The following DGKB variants were observed in gnomAD, a reference collection of about 807,000 sequenced individuals.
The protein encoded by DGKB is 90 kDa diacylglycerol kinase.
Under a neutral mutation model 114.3 loss-of-function variants are expected in DGKB, and 67 were observed. That is an observed-to-expected ratio of 0.59 (90% CI 0.48 to 0.72). The LOEUF is 0.72. DGKB is among the 30% of genes least tolerant of loss of function. DGKB has a pLI of 0.00. For synonymous variants in DGKB, 398 were observed against 323.1 expected, an observed-to-expected ratio of 1.23 and a Z score of -2.49; for missense variants, 907 against 975.2, an observed-to-expected ratio of 0.93 and a Z score of 0.93.
intron 2 of DGKB, among the ~76,000 whole-genome samples, chr7:14,832,867 C>T (rs1312123421): frequency 1.3e-5 from 2 of 152,102 alleles, no homozygotes; most frequent in African/African-American, 4.8e-5. Flanking sequence ...ATGTCTGGCT[C>T]TGATTTCTTT....
intron 23 of DGKB, among the ~76,000 whole-genome samples, chr7:14,277,452 C>T (rs930267349): frequency 5.3e-5 from 8 of 152,194 alleles, no homozygotes; most frequent in African/African-American, 1.4e-4. Flanking sequence ...GGATTACAGG[C>T]GTGAATCACT....
In DGKB at chr7:14,868,556, G is replaced by A. The variant is rs374711502; in HGVS notation, c.-187-27106C>T. On this transcript the variant is annotated intron_variant, in intron 1 of 25. Transcript: ENST00000402815. ...TCACCATGTTGGCTAGGCTGGTCTCGAACTCCTAACCTCGGACTTCACAGA... is the reference window on the plus strand; with the variant it reads ...TCACCATGTTGGCTAGGCTGGTCTCAAACTCCTAACCTCGGACTTCACAGA... Among the ~76,000 whole-genome samples the A allele has an allele frequency of 2.0e-3, 309 of 151,974 alleles. 2 individuals are homozygous for A. The highest frequency in any genetic ancestry group is 6.9e-3 in the African/African-American group (285 of 41,508).
At chr7:14,683,461 T>C (rs1390365739) in intron 10 of DGKB, among the ~76,000 whole-genome samples, 5 of 152,150 alleles carry the variant, frequency 3.3e-5, no homozygotes, top group Non-Finnish European at 5.9e-5. Context: ...ACTATGCAAA[T>C]GTATACCTAC....
At chr7:14,609,430 A>G (rs1245350495) in intron 16 of DGKB, among the ~76,000 whole-genome samples, 1 of 152,106 alleles carries the variant, frequency 6.6e-6, no homozygotes. Context: ...ATCCCAAGCT[A>G]TATTTCTAAA....
intron 13 of DGKB, among the ~76,000 whole-genome samples, chr7:14,655,952 T>A (rs973650500): frequency 6.6e-6 from 1 of 151,694 alleles, no homozygotes; most frequent in Non-Finnish European, 1.5e-5. Flanking sequence ...AAATAAGTTA[T>A]GTTCTATAGC....
chr7:14,206,138 G>C (rs1490429384), intron 23 of DGKB, among the ~76,000 whole-genome samples: 1 of 151,986 alleles, frequency 6.6e-6, no homozygotes, highest in Non-Finnish European at 1.5e-5. Context: ...TCCTTATAGA[G>C]ACTACAGTCT....
At chr7:14,897,488 A>G (rs185341962) in intron 1 of DGKB, among the ~76,000 whole-genome samples, 183 of 151,998 alleles carry the variant, frequency 1.2e-3, no homozygotes, top group African/African-American at 4.4e-3. Flanking sequence ...ATTAAAAATC[A>G]CCTTTTCACA....
intron 25 of DGKB, among the ~76,000 whole-genome samples, chr7:14,171,182 T>A (rs1451278141): frequency 6.6e-6 from 1 of 152,124 alleles, no homozygotes; most frequent in Admixed American, 6.5e-5. Context: ...CCAGGGAAGG[T>A]ACAGAAAAAA....
At chr7:14,507,055 G>C (rs909226023) in intron 20 of DGKB, among the ~76,000 whole-genome samples, 3 of 152,064 alleles carry the variant, frequency 2.0e-5, no homozygotes, top group African/African-American at 7.3e-5. Flanking sequence ...CTGATGTCTG[G>C]GTTATTTAAA....
intron 1 of DGKB, among the ~76,000 whole-genome samples, chr7:14,966,002 A>G (rs1488570284): frequency 2.0e-5 from 3 of 152,118 alleles, no homozygotes; most frequent in Admixed American, 1.3e-4. Flanking sequence ...CTTTAAGAAT[A>G]GGTTTATTGA....
intron 5 of DGKB, among the ~76,000 whole-genome samples, chr7:14,734,535 T>C (rs1395952664): frequency 6.6e-6 from 1 of 152,196 alleles, no homozygotes; most frequent in Non-Finnish European, 1.5e-5. Context: ...CAAGAGGCTA[T>C]ATGACATATG....
chr7:14,184,909 GC>G (rs1197302935), intron 23 of DGKB, among the ~76,000 whole-genome samples: 1 of 152,092 alleles, frequency 6.6e-6, no homozygotes, highest in African/African-American at 2.4e-5. Flanking sequence ...CAAACTCACA[GC>G]CAACATAATA....
chr7:14,942,407 T>G (rs899397982), intron 1 of DGKB, among the ~76,000 whole-genome samples: 2 of 152,012 alleles, frequency 1.3e-5, no homozygotes, highest in African/African-American at 4.8e-5. Flanking sequence ...CCTGTTCATT[T>G]ACATTATTAC....
At chr7:14,751,824 G>T (rs765571007) in intron 4 of DGKB, among the ~76,000 whole-genome samples, 2 of 152,164 alleles carry the variant, frequency 1.3e-5, no homozygotes, top group South Asian at 2.1e-4. Context: ...AAAGGAAATA[G>T]AATTTGTTGG....
chr7:14,164,720 A>T (rs1355283391), intron 25 of DGKB, among the ~76,000 whole-genome samples: 1 of 152,184 alleles, frequency 6.6e-6, no homozygotes, highest in Non-Finnish European at 1.5e-5. Context: ...GATGTCAAAT[A>T]CTGTCCCACT....
chr7:14,711,904 A>G (rs1411843542), intron 6 of DGKB, among the ~76,000 whole-genome samples: 7 of 152,206 alleles, frequency 4.6e-5, no homozygotes, highest in African/African-American at 7.2e-5. Flanking sequence ...TATTGAGAGA[A>G]TAAGTCCTTT....
At chr7:14,936,568 T>C (rs913437369) in intron 1 of DGKB, among the ~76,000 whole-genome samples, 1 of 152,132 alleles carries the variant, frequency 6.6e-6, no homozygotes, top group African/African-American at 2.4e-5. Context: ...TGATTTTTCA[T>C]GTCTTCAAAA....
chr7:14,642,779 T>C (rs572363253), intron 13 of DGKB, among the ~76,000 whole-genome samples: 2 of 152,334 alleles, frequency 1.3e-5, no homozygotes, highest in Admixed American at 6.5e-5. Context: ...GTATATTACA[T>C]AAGCTGTTTT....
Position 14,841,212 on chromosome 7 carries a change from G to C in DGKB, c.52C>G (p.Leu18Val), listed in dbSNP as rs1302920713. The C allele has an allele frequency of 9.3e-6, 15 of 1,613,266 alleles. No individual in the cohort carries two copies. The highest frequency in any genetic ancestry group is 1.3e-5 in the Non-Finnish European group (15 of 1,179,562). The change falls in exon 2 of 26, where the codon CTT becomes GTT. Residue 18 changes from leucine to valine, a missense_variant. Transcript: ENST00000402815. ...AHLSPSEFSQ[L>V]QKYAEYSTKK... is the part of the protein sequence containing the mutation. ...TACTTACACTCAGCATATTTCTGAA[G>C]TTGGGAAAATTCCGAAGGGCTGAGG...
Sources: gnomAD v4.1 joint callset for allele counts (sites outside exome capture counted in the v4.1 genomes callset) on GRCh38, gnomAD v4.1.1 for gene constraint, MANE v1.5 for transcripts, NCBI Gene and HGNC (gene_info 2026-07-23, HGNC 2026-07-21) for gene names.